Variants in PPRC1 observed in about 807,000 individuals in gnomAD.
PPRC1 encodes the protein peroxisome proliferator-activated receptor gamma coactivator-related protein 1.
PPRC1 carries 23 observed loss-of-function variants against 132.5 expected under a neutral mutation model. The ratio of observed to expected loss-of-function variants is 0.17; its 90% CI spans 0.12 to 0.25. The LOEUF (loss-of-function observed/expected upper bound fraction) is 0.25, where lower values mean the gene tolerates loss of function less well. Ranked by LOEUF, PPRC1 falls within the 10% of genes least tolerant of loss-of-function variation. PPRC1 has a pLI of 1.00. For missense variants in PPRC1, 2,006 were observed against 2,089.1 expected (o/e 0.96, Z 0.78); for synonymous variants, 872 against 833.5 (o/e 1.05, Z -0.80).
chr10:102,150,052 C>T lies in PPRC1; in HGVS notation c.*23C>T. 1 of 1,572,622 alleles carries T rather than the reference C, an allele frequency of 6.4e-7. No individual in the cohort carries two copies. Among genetic ancestry groups the T allele is most frequent in the African/African-American group, 1.4e-5 (1 of 74,064 alleles). ...TAACCTTGGGCCCTTCCCTGCTATC[C>T]TTTTTCTCCTTTGGAGGTGCCCAAC... On this transcript the variant is annotated 3_prime_UTR_variant, in exon 14 of 14. Transcript: ENST00000278070.
At chr10:102,142,389 C>T (rs1590342796) in intron 5 of PPRC1, among the ~76,000 whole-genome samples, 1 of 121,242 alleles carries the variant, frequency 8.2e-6, no homozygotes, top group Middle Eastern at 7.4e-3. Flanking sequence ...GCGTGAGCCG[C>T]TGCACCATGC....
the PPRC1 span, chr10:102,120,000 C>T: frequency 4.5e-6 from 5 of 1,112,304 alleles, no homozygotes; most frequent in African/African-American, 1.6e-5. Flanking sequence ...CGACGCCCCC[C>T]ACACAAGTTC....
chr10:102,122,094 C>T, the PPRC1 span, among the ~76,000 whole-genome samples: 15 of 152,062 alleles, frequency 9.9e-5, no homozygotes, highest in Non-Finnish European at 1.9e-4. Flanking sequence ...GTTTCCCCAT[C>T]TCCACCCCCA....
intron 6 of PPRC1, 52 bp from the exon 7 acceptor site, chr10:102,144,198 C>A: frequency 6.3e-7 from 1 of 1,577,374 alleles, no homozygotes; most frequent in Non-Finnish European, 8.7e-7. Context: ...TTCTGTGCCG[C>A]CTCAGTCTAG....
rs1841895379 is a variant in PPRC1, at chr10:102,148,748, C to T, written c.4617+54C>T. 4 of 1,613,948 alleles carry T rather than the reference C, an allele frequency of 2.5e-6. No individual in the cohort carries two copies. Among genetic ancestry groups the T allele is most frequent in the Non-Finnish European group, 8.5e-7 (1 of 1,179,928 alleles). On this transcript the variant is annotated intron_variant, in intron 11 of 13. Transcript: ENST00000278070. This position sits in a 1 kb window ranked among gnomAD's most constrained non-coding sequence, Gnocchi z 4.2. ...TGGGGCTTACCCCCTGAGCCTTGAG[C>T]TCAGAGAGCTGCCTGCAGCTGTAGC...
upstream of PPRC1, among the ~76,000 whole-genome samples, chr10:102,129,153 G>A (rs61874817): frequency 8.6e-5 from 13 of 150,988 alleles, no homozygotes; most frequent in South Asian, 4.2e-4. Flanking sequence ...GGATGGTCTC[G>A]ATCTCCTGAC....
the PPRC1 span, among the ~76,000 whole-genome samples, chr10:102,125,194 G>T: frequency 1.3e-4 from 19 of 148,728 alleles, no homozygotes; most frequent in African/African-American, 4.7e-4. Flanking sequence ...CAGTTCAAGC[G>T]ATTCTCCTGC....
upstream of PPRC1, among the ~76,000 whole-genome samples, chr10:102,132,477 C>T (rs1032056268): frequency 6.6e-6 from 1 of 152,198 alleles, no homozygotes; most frequent in African/African-American, 2.4e-5. Context: ...GCAAGGAGAC[C>T]TGAAACAGCA....
At chr10:102,120,338 G>C in the PPRC1 span, 1 of 984,606 alleles carries the variant, frequency 1.0e-6, no homozygotes, top group Non-Finnish European at 1.2e-6. Flanking sequence ...CTCTGCGTGT[G>C]TGCGCGCGGG....
chr10:102,128,274 G>A (rs2068492897), upstream of PPRC1, among the ~76,000 whole-genome samples: 1 of 151,950 alleles, frequency 6.6e-6, no homozygotes, highest in East Asian at 1.9e-4. Flanking sequence ...CGAGTATCTG[G>A]GATTACAGGC....
the PPRC1 span, among the ~76,000 whole-genome samples, chr10:102,127,711 A>C: frequency 5.4e-4 from 81 of 150,728 alleles, no homozygotes; most frequent in Middle Eastern, 0.01. Context: ...CGGCCTGCCC[A>C]GCTGATTTTT....
chr10:102,132,774 C>G (rs2068568429), upstream of PPRC1, among the ~76,000 whole-genome samples: 1 of 152,246 alleles, frequency 6.6e-6, no homozygotes, highest in African/African-American at 2.4e-5. Flanking sequence ...CAAATGTTAA[C>G]TTTCCCCCTA....
chr10:102,147,481 T>C (rs953373943), intron 9 of PPRC1, 89 bp downstream of exon 9: 4 of 1,449,710 alleles, frequency 2.8e-6, no homozygotes, highest in Non-Finnish European at 3.7e-6. Flanking sequence ...CCGTTGACTT[T>C]GGTACTTTCA....
intron 1 of PPRC1, 89 bp downstream of exon 1, chr10:102,133,310 G>T: frequency 8.8e-7 from 1 of 1,135,730 alleles, no homozygotes; most frequent in Non-Finnish European, 1.1e-6. Context: ...GAGAGGAAGC[G>T]CCTGAGAGTC....
chr10:102,122,262 G>A, the PPRC1 span, among the ~76,000 whole-genome samples: 2 of 152,116 alleles, frequency 1.3e-5, no homozygotes, highest in Non-Finnish European at 2.9e-5. Context: ...ACACTGGCCC[G>A]AAATTGTGGA....
In PPRC1 at chr10:102,150,147, G is replaced by GA. The variant is rs1348425592; in HGVS notation, c.*124dup. The GA allele has an allele frequency of 1.1e-5, 7 of 664,814 alleles. No homozygotes were observed. The highest frequency in any genetic ancestry group is 8.2e-5 in the East Asian group (3 of 36,614). The allele number at this position is 664,814 out of a possible 1,614,324, so 41.2% of individuals were successfully genotyped here. ...GAGATGACTGTTTTATAAAGAAATG[G>GA]AAAAAAGTGAAATAAAAAATATGTT... On this transcript the variant is annotated 3_prime_UTR_variant, in exon 14 of 14. Transcript: ENST00000278070.
Position 102,137,996 on chromosome 10 carries a change from C to T in PPRC1, c.300C>T (p.Ala100=). 1 of 1,614,006 alleles carries T rather than the reference C, an allele frequency of 6.2e-7. No individual in the cohort carries two copies. Among genetic ancestry groups the T allele is most frequent in the African/African-American group, 1.3e-5 (1 of 75,022 alleles). The part of the protein sequence containing the change: ...LLGTMQSYMD[A]SLISLIEDFG... ...GGACCATGCAGAGCTACATGGATGC[C>T]TCCCTTATCTCCCTCATTGAGGATT... Residue 100 remains alanine (A), a synonymous_variant, in exon 2 of 14, where the codon GCC becomes GCT. Transcript: ENST00000278070.
chr10:102,140,075 G>A lies in PPRC1; in HGVS notation c.1567G>A (p.Ala523Thr), dbSNP rs895412968. The change falls in exon 5 of 14, where the codon GCT (alanine) becomes ACT (threonine). Residue 523 changes from alanine to threonine, a missense_variant. By Grantham distance (58) the Ala-to-Thr change is moderately conservative (BLOSUM62 0). Transcript: ENST00000278070. ...TCTCCAGGGTAAGGGGAAGCCCCGG[G>A]CTTGGGCTCGGGCCTGGGCAGCTGC... ...GPLQGKGKPR[A>T]WARAWAAALE... The A allele has an allele frequency of 1.9e-6, 3 of 1,614,242 alleles. No individual in the cohort carries two copies. In the Admixed American group the frequency reaches 5.0e-5, roughly 27 times the overall value.
At chr10:102,149,469 A>C in intron 13 of PPRC1, 140 bp downstream of exon 13, 39 of 1,060,176 alleles carry the variant, frequency 3.7e-5, no homozygotes, top group Non-Finnish European at 4.8e-5. Flanking sequence ...ATGGTGGCTC[A>C]CGCCTGTAAT....
Sources: allele counts gnomAD v4.1 joint callset (sites outside exome capture counted in the v4.1 genomes callset), GRCh38; gene constraint gnomAD v4.1.1; non-coding constraint Gnocchi (gnomAD v3.1); transcripts MANE v1.5; gene names NCBI Gene and HGNC (gene_info 2026-07-23, HGNC 2026-07-21).